Variants in TTC27 observed in about 807,000 individuals in gnomAD.
TTC27 encodes tetratricopeptide repeat protein 27.
Under a neutral mutation model 115.9 loss-of-function variants are expected in TTC27, and 79 were observed. The ratio of observed to expected loss-of-function variants is 0.68; its 90% confidence interval spans 0.57 to 0.82. The LOEUF is 0.82. Ranked by LOEUF, TTC27 falls within the 40% of genes least tolerant of loss-of-function variation. The pLI is 0.00. For missense variants in TTC27, 1,054 were observed against 993.1 expected, an observed-to-expected ratio of 1.06 and a Z score of -0.82; for synonymous variants, 401 against 356.0, an observed-to-expected ratio of 1.13 and a Z score of -1.42.
At chr2:32,729,305 G>T (rs1277063240) in intron 10 of TTC27, among the ~76,000 whole-genome samples, 1 of 152,160 alleles carries the variant, frequency 6.6e-6, no homozygotes, top group Non-Finnish European at 1.5e-5. Flanking sequence ...CATTCTCCAT[G>T]TGCTAATTTT....
intron 16 of TTC27, among the ~76,000 whole-genome samples, chr2:32,803,799 C>G (rs1671039673): frequency 6.6e-6 from 1 of 152,034 alleles, no homozygotes; most frequent in East Asian, 1.9e-4. Flanking sequence ...CACCTGAGGT[C>G]AGGAATGACC....
rs142916991 is a variant in TTC27, at chr2:32,664,282, G to A, written c.641-21G>A. On this transcript the variant is annotated intron_variant, in intron 5 of 19. Transcript: ENST00000317907. Reference sequence around the variant, plus strand: ...TTTTCTTCTCATCATAACTTTTAATGTTTTATCTTTTGTCTTGCAGTGATG... The same window carrying A: ...TTTTCTTCTCATCATAACTTTTAATATTTTATCTTTTGTCTTGCAGTGATG... The A allele has an allele frequency of 1.5e-4, 240 of 1,574,746 alleles. No individual in the cohort carries two copies. The African/African-American group carries it at 2.9e-3, about 19-fold the overall frequency.
chr2:32,753,429 CTTTT>C (rs776515945), intron 12 of TTC27, among the ~76,000 whole-genome samples: 104 of 72,866 alleles, frequency 1.4e-3, no homozygotes, highest in African/African-American at 4.8e-3. Context: ...AATCAAATGC[CTTTT>C]TTTTTTTTTT....
chr2:32,652,971 A>G (rs1359887825), intron 5 of TTC27, among the ~76,000 whole-genome samples: 1 of 152,180 alleles, frequency 6.6e-6, no homozygotes. Flanking sequence ...AAATGTCAAC[A>G]TAACTTTGCT....
intron 15 of TTC27, 97 bp from the exon 16 acceptor site, chr2:32,786,887 C>T (rs1411881833): frequency 3.9e-5 from 42 of 1,072,186 alleles, no homozygotes; most frequent in Admixed American, 1.5e-4. Context: ...CGAATAAGGA[C>T]GGACAGTCCA....
At chr2:32,633,344 T>C (rs1002990427) in intron 2 of TTC27, among the ~76,000 whole-genome samples, 11 of 152,232 alleles carry the variant, frequency 7.2e-5, no homozygotes, top group African/African-American at 2.4e-4. Context: ...TAAATTTTAT[T>C]AATTTTAACT....
intron 12 of TTC27, among the ~76,000 whole-genome samples, chr2:32,755,350 G>C (rs1352807242): frequency 2.0e-5 from 3 of 152,204 alleles, no homozygotes; most frequent in African/African-American, 7.2e-5. Flanking sequence ...GGAGGCCAAG[G>C]CTGGCGGATC....
intron 5 of TTC27, among the ~76,000 whole-genome samples, chr2:32,656,049 GC>G (rs1665303080): frequency 6.6e-6 from 1 of 152,004 alleles, no homozygotes; most frequent in Non-Finnish European, 1.5e-5. Context: ...GAACAACACT[GC>G]TATTGAGTAC....
At chr2:32,655,117 C>A (rs942568953) in intron 5 of TTC27, among the ~76,000 whole-genome samples, 1 of 151,656 alleles carries the variant, frequency 6.6e-6, no homozygotes, top group East Asian at 1.9e-4. Context: ...GCCTCTCAAG[C>A]AGCTGGGACT....
chr2:32,767,422 A>G (rs1669666729), intron 13 of TTC27, among the ~76,000 whole-genome samples: 1 of 150,606 alleles, frequency 6.6e-6, no homozygotes, highest in Admixed American at 6.6e-5. Context: ...AAGCCAAAAG[A>G]TACTAAGTGA....
rs558717159 is a variant in TTC27 at position 32,790,279 on chromosome 2, T to TG, written c.1998+3130_1998+3131insG. On this transcript the variant is annotated intron_variant, in intron 16 of 19. Coordinates refer to ENST00000317907, the MANE Select transcript of TTC27 (RefSeq NM_017735.5). ...GGATTATTGCCATTAAATTTTTTTT[T>TG]TGTGTGTGTGTATAAATTCATGCTT... Among the ~76,000 whole-genome samples, 173 of 151,400 alleles carry TG rather than the reference T, an allele frequency of 1.1e-3. 3 individuals are homozygous for TG. In the South Asian group the frequency reaches 0.034, roughly 30 times the overall value.
chr2:32,748,849 G>A (rs570244823), intron 12 of TTC27, among the ~76,000 whole-genome samples: 6 of 151,940 alleles, frequency 3.9e-5, no homozygotes, highest in South Asian at 2.1e-4. Context: ...CACCATGCCC[G>A]GCTAATTTTT....
intron 13 of TTC27, among the ~76,000 whole-genome samples, chr2:32,771,134 A>G (rs1400234521): frequency 6.6e-6 from 1 of 152,150 alleles, no homozygotes; most frequent in Non-Finnish European, 1.5e-5. Flanking sequence ...AATCCCGAGG[A>G]AGATAACAAA....
chr2:32,736,898 A>G, intron 12 of TTC27, 82 bp downstream of exon 12: 1 of 1,498,916 alleles, frequency 6.7e-7, no homozygotes, highest in Non-Finnish European at 8.9e-7. Context: ...TTTCAAACCC[A>G]CTTTTGCCAA....
intron 9 of TTC27, among the ~76,000 whole-genome samples, chr2:32,681,370 A>C (rs1248978983): frequency 6.6e-6 from 1 of 152,132 alleles, no homozygotes; most frequent in East Asian, 1.9e-4. Flanking sequence ...TTCATCTATC[A>C]GTTCTTCCTC....
intron 9 of TTC27, among the ~76,000 whole-genome samples, chr2:32,692,724 C>A (rs1485861670): frequency 6.6e-6 from 1 of 152,098 alleles, no homozygotes; most frequent in Admixed American, 6.6e-5. Flanking sequence ...GTAATCCCAG[C>A]ACTTTGGGAG....
chr2:32,738,025 T>G (rs1406950331), intron 12 of TTC27, among the ~76,000 whole-genome samples: 1 of 152,056 alleles, frequency 6.6e-6, no homozygotes, highest in South Asian at 2.1e-4. Flanking sequence ...CAAAAAAATA[T>G]TGATAGAGTT....
chr2:32,712,173 A>C (rs1044025821), intron 10 of TTC27, among the ~76,000 whole-genome samples: 13 of 152,310 alleles, frequency 8.5e-5, no homozygotes, highest in African/African-American at 1.9e-4. Context: ...TTTGGAAGAG[A>C]TCTCTAAGTG....
At chr2:32,733,945 G>A (rs1668375560) in intron 11 of TTC27, 22 bp downstream of exon 11, 2 of 1,548,622 alleles carry the variant, frequency 1.3e-6, no homozygotes, top group Non-Finnish European at 1.8e-6. Context: ...GTTTGTCATT[G>A]GGTATGGAAA....
Sources: gnomAD v4.1 joint callset for allele counts (sites outside exome capture counted in the v4.1 genomes callset) on GRCh38, gnomAD v4.1.1 for gene constraint, MANE v1.5 for transcripts, NCBI Gene and HGNC (gene_info 2026-07-23, HGNC 2026-07-21) for gene names.